Variants in PSD3 observed in about 807,000 individuals in gnomAD.
The protein encoded by PSD3 is PH and SEC7 domain-containing protein 3.
Under a neutral mutation model 105.5 loss-of-function variants are expected in PSD3, and 49 were observed. That is an observed-to-expected ratio of 0.46 (90% CI 0.37 to 0.59). PSD3 has a LOEUF of 0.59. Ranked by LOEUF, PSD3 falls within the 20% of genes least tolerant of loss-of-function variation. The pLI, the probability that PSD3 is intolerant of heterozygous loss-of-function variation, is 0.00. For missense variants in PSD3, 1,561 were observed against 1,263.8 expected (o/e 1.24, Z -3.57); for synonymous variants, 557 against 457.8 (o/e 1.22, Z -2.77).
At chr8:18,775,332 G>A (rs1207668631) in intron 8 of PSD3, among the ~76,000 whole-genome samples, 1 of 152,156 alleles carries the variant, frequency 6.6e-6, no homozygotes, top group Admixed American at 6.5e-5. Context: ...TGGGAGTGCA[G>A]ACATTTCTTG....
chr8:19,073,983 G>A (rs559740927), intron 1 of PSD3, among the ~76,000 whole-genome samples: 56 of 151,914 alleles, frequency 3.7e-4, no homozygotes, highest in African/African-American at 1.3e-3. Flanking sequence ...GTAGAGACGA[G>A]GTTTCACCGT....
At chr8:18,608,082 T>G (rs971864206) in intron 11 of PSD3, among the ~76,000 whole-genome samples, 2 of 152,162 alleles carry the variant, frequency 1.3e-5, no homozygotes, top group African/African-American at 4.8e-5. Context: ...TCACCAGGCA[T>G]GCTGATGCAT....
At chr8:18,607,681 T>TAA (rs1804944679) in intron 11 of PSD3, among the ~76,000 whole-genome samples, 1 of 32,082 alleles carries the variant, frequency 3.1e-5, no homozygotes, top group Non-Finnish European at 7.0e-5. Context: ...ACTCCACTGC[T>TAA]ACAAAAAAAA....
intron 1 of PSD3, among the ~76,000 whole-genome samples, chr8:19,020,414 C>T (rs1296063053): frequency 6.6e-6 from 1 of 151,970 alleles, no homozygotes; most frequent in Non-Finnish European, 1.5e-5. Flanking sequence ...AGTGCAAAGG[C>T]CCTGAGGTCT....
intron 1 of PSD3, among the ~76,000 whole-genome samples, chr8:19,029,300 C>T (rs960994659): frequency 3.9e-5 from 6 of 152,082 alleles, no homozygotes; most frequent in African/African-American, 1.4e-4. Context: ...ACTCTATATC[C>T]ATTTATTTAT....
intron 8 of PSD3, among the ~76,000 whole-genome samples, chr8:18,773,024 G>T (rs1230481463): frequency 3.3e-5 from 5 of 152,090 alleles, no homozygotes; most frequent in African/African-American, 1.2e-4. Flanking sequence ...AAACGTTTCA[G>T]TTTGATGTAG....
At chr8:18,960,780 G>T (rs1823863259) in intron 1 of PSD3, among the ~76,000 whole-genome samples, 1 of 152,048 alleles carries the variant, frequency 6.6e-6, no homozygotes, top group Admixed American at 6.6e-5. Context: ...TAATTCTGAG[G>T]GGGTAATCAT....
At chr8:18,808,692 A>T in intron 4 of PSD3, 1 of 1,605,596 alleles carries the variant, frequency 6.2e-7, no homozygotes, top group Non-Finnish European at 8.5e-7. Flanking sequence ...TTATTTGAAC[A>T]AGAACCGGAA....
intron 8 of PSD3, among the ~76,000 whole-genome samples, chr8:18,776,297 TAAATATATATAGTATA>T (rs1808070834): frequency 6.8e-6 from 1 of 146,050 alleles, no homozygotes; most frequent in South Asian, 2.1e-4. Context: ...ATATAATGTA[TAAATATATATAGTATA>T]AAATATATAT....
At chr8:18,596,761 C>G (rs1585342405) in intron 12 of PSD3, among the ~76,000 whole-genome samples, 1 of 152,016 alleles carries the variant, frequency 6.6e-6, no homozygotes, top group East Asian at 1.9e-4. Flanking sequence ...CTACAATCTA[C>G]CAAGATGAAT....
At chr8:18,960,055 T>C (rs761213847) in intron 1 of PSD3, among the ~76,000 whole-genome samples, 1 of 152,184 alleles carries the variant, frequency 6.6e-6, no homozygotes, top group Non-Finnish European at 1.5e-5. Flanking sequence ...ATCGATTCCT[T>C]GGAATTCCTA....
At chr8:18,939,207 A>T (rs1411760470) in intron 1 of PSD3, among the ~76,000 whole-genome samples, 1 of 152,186 alleles carries the variant, frequency 6.6e-6, no homozygotes, top group African/African-American at 2.4e-5. Flanking sequence ...TCTTAACCTC[A>T]GGTCCGTGGG....
chr8:18,985,154 G>A (rs1008274356), intron 1 of PSD3, among the ~76,000 whole-genome samples: 1 of 152,100 alleles, frequency 6.6e-6, no homozygotes, highest in Non-Finnish European at 1.5e-5. Flanking sequence ...GGTTGGTCTC[G>A]AATTCCTGAG....
At chr8:18,858,990 T>C (rs1816230103) in intron 4 of PSD3, among the ~76,000 whole-genome samples, 1 of 152,188 alleles carries the variant, frequency 6.6e-6, no homozygotes, top group African/African-American at 2.4e-5. Flanking sequence ...GGTTTTCAAC[T>C]GACTTTGCCC....
At chr8:18,835,870 G>A (rs148899270) in intron 4 of PSD3, among the ~76,000 whole-genome samples, 5,706 of 152,322 alleles carry the variant, frequency 0.037, 115 homozygotes, top group Admixed American at 0.068. Flanking sequence ...AGCGGTGTAT[G>A]CGGTGTAGAT....
intron 1 of PSD3, among the ~76,000 whole-genome samples, chr8:18,973,573 C>T (rs1387139830): frequency 6.6e-6 from 1 of 152,174 alleles, no homozygotes; most frequent in Non-Finnish European, 1.5e-5. Context: ...TAACTACCTC[C>T]TCAAATGCCC....
intron 8 of PSD3, among the ~76,000 whole-genome samples, chr8:18,783,756 T>C (rs1439741723): frequency 6.6e-6 from 1 of 152,134 alleles, no homozygotes; most frequent in Non-Finnish European, 1.5e-5. Flanking sequence ...CATCAGCCAC[T>C]CGAGTAACTG....
chr8:18,800,072 T>C lies in PSD3; in HGVS notation c.2024-719A>G, dbSNP rs150043679. The stretch of plus-strand genomic sequence containing the variant: ...GTATATTTATTCTAGTACCACTTTA[T>C]TATCACAAGTTCTACATATATTTAA... On this transcript the variant is annotated intron_variant, in intron 7 of 15. Coordinates refer to ENST00000327040, the MANE Select transcript of PSD3 (RefSeq NM_015310.4). Among the ~76,000 whole-genome samples, 17 of 152,342 alleles carry C rather than the reference T, an allele frequency of 1.1e-4. No individual in the cohort carries two copies. The East Asian group carries it at 3.1e-3, about 28-fold the overall frequency.
chr8:18,736,881 T>G (rs530064971), intron 9 of PSD3, among the ~76,000 whole-genome samples: 1 of 152,370 alleles, frequency 6.6e-6, no homozygotes, highest in South Asian at 2.1e-4. Context: ...AGCTTTCTGA[T>G]GGCAATGAGC....
Sources: allele counts gnomAD v4.1 joint callset (sites outside exome capture counted in the v4.1 genomes callset), GRCh38; gene constraint gnomAD v4.1.1; transcripts MANE v1.5; gene names NCBI Gene and HGNC (gene_info 2026-07-23, HGNC 2026-07-21).